The following NRXN3 variants were observed in gnomAD, a reference collection of about 807,000 sequenced individuals.
NRXN3 encodes the protein neurexin 3.
NRXN3 carries 32 observed loss-of-function variants against 137.6 expected under a neutral mutation model. That is an observed-to-expected ratio of 0.23 (90% CI 0.18 to 0.31). NRXN3 has a LOEUF of 0.31. Among genes scored for constraint, NRXN3 ranks in the 10% least tolerant of loss-of-function variants. NRXN3 has a pLI of 1.00. For synonymous variants in NRXN3, 798 were observed against 784.5 expected, an observed-to-expected ratio of 1.02 and a Z score of -0.29; for missense variants, 1,574 against 2,062.5, an observed-to-expected ratio of 0.76 and a Z score of 4.59.
chr14:79,416,681 C>T (rs2095501682), intron 15 of NRXN3, among the ~76,000 whole-genome samples: 7 of 152,146 alleles, frequency 4.6e-5, no homozygotes, highest in Admixed American at 4.6e-4. Flanking sequence ...ATCCACACAG[C>T]TTAGACTGTC....
chr14:78,622,439 G>A (rs1461809611), intron 4 of NRXN3, among the ~76,000 whole-genome samples: 1 of 152,040 alleles, frequency 6.6e-6, no homozygotes, highest in East Asian at 1.9e-4. Flanking sequence ...GTTTTGTTTT[G>A]TGATACTACA....
At chr14:79,332,983 A>T (rs919557757) in intron 15 of NRXN3, among the ~76,000 whole-genome samples, 1 of 151,952 alleles carries the variant, frequency 6.6e-6, no homozygotes. Context: ...ATCCTTACCA[A>T]CCATCTTTCT....
At chr14:79,726,815 T>C (rs2098892743) in intron 19 of NRXN3, among the ~76,000 whole-genome samples, 1 of 152,192 alleles carries the variant, frequency 6.6e-6, no homozygotes, top group Admixed American at 6.5e-5. Context: ...TCTCTGAAGA[T>C]TCAGGTTCAT....
intron 4 of NRXN3, among the ~76,000 whole-genome samples, chr14:78,575,310 C>T (rs1004176836): frequency 1.3e-5 from 2 of 152,092 alleles, no homozygotes; most frequent in Admixed American, 1.3e-4. Flanking sequence ...ATAATAAACA[C>T]ATGGAGGGGA....
intron 6 of NRXN3, among the ~76,000 whole-genome samples, chr14:78,658,644 A>G (rs1297381769): frequency 6.6e-6 from 1 of 152,194 alleles, no homozygotes; most frequent in Non-Finnish European, 1.5e-5. Context: ...TGATCTGTAA[A>G]ATGAGGATAG....
intron 16 of NRXN3, among the ~76,000 whole-genome samples, chr14:79,598,151 C>G (rs1237686580): frequency 6.6e-6 from 1 of 152,088 alleles, no homozygotes; most frequent in African/African-American, 2.4e-5. Context: ...GAAATAGGTG[C>G]TTTGAATAGA....
intron 16 of NRXN3, among the ~76,000 whole-genome samples, chr14:79,595,420 A>G (rs2097850161): frequency 6.6e-6 from 1 of 152,326 alleles, no homozygotes; most frequent in Admixed American, 6.5e-5. Context: ...CTTTTTGTCT[A>G]GAACTCTGCT....
chr14:78,595,197 A>G (rs978572449), intron 4 of NRXN3, among the ~76,000 whole-genome samples: 1 of 152,238 alleles, frequency 6.6e-6, no homozygotes, highest in South Asian at 2.1e-4. Context: ...TAGCTGAGAC[A>G]TCAGTGAAGC....
intron 17 of NRXN3, among the ~76,000 whole-genome samples, chr14:79,684,385 T>C (rs2098686313): frequency 6.6e-6 from 1 of 152,198 alleles, no homozygotes; most frequent in African/African-American, 2.4e-5. Flanking sequence ...ATCAGTATAC[T>C]AGTCAGGCCT....
At chr14:79,452,923 A>G (rs1248301860) in intron 15 of NRXN3, among the ~76,000 whole-genome samples, 1 of 152,232 alleles carries the variant, frequency 6.6e-6, no homozygotes, top group Non-Finnish European at 1.5e-5. Flanking sequence ...TTACTAATAT[A>G]TTACATAATA....
At chr14:79,298,520 AT>A (rs1221291681) in intron 15 of NRXN3, among the ~76,000 whole-genome samples, 2 of 151,978 alleles carry the variant, frequency 1.3e-5, no homozygotes, top group Admixed American at 6.6e-5. Flanking sequence ...AGGTCTTAAC[AT>A]TTTTTCTCAC....
At position 79,845,692 on chromosome 14, in the gene NRXN3, G is replaced by A. The variant is rs539860805; in HGVS notation, c.4094-15650G>A. On this transcript the variant is annotated intron_variant, in intron 20 of 20. Coordinates refer to ENST00000335750, the MANE Select transcript of NRXN3 (RefSeq NM_001330195.2). ...AGACGGAGACGGGGAGAGAGACGGAGACGGGGAGAGAGACGGAGACGGGGA... is the reference window on the plus strand; with the variant it reads ...AGACGGAGACGGGGAGAGAGACGGAAACGGGGAGAGAGACGGAGACGGGGA... Among the ~76,000 whole-genome samples, 15 of 132,492 alleles carry A rather than the reference G, an allele frequency of 1.1e-4. No homozygotes were observed. The South Asian group carries it at 2.1e-3, about 19-fold the overall frequency. The allele number at this position is 132,492 out of a possible 152,430, so 86.9% of individuals were successfully genotyped here.
At chr14:78,195,199 G>A (rs554958637) in intron 1 of NRXN3, among the ~76,000 whole-genome samples, 56 of 152,230 alleles carry the variant, frequency 3.7e-4, no homozygotes, top group Middle Eastern at 6.8e-3. Flanking sequence ...AAATTAACCC[G>A]AAGAGGCCAG....
intron 1 of NRXN3, among the ~76,000 whole-genome samples, chr14:78,233,042 T>C (rs1304989822): frequency 6.6e-6 from 1 of 152,216 alleles, no homozygotes; most frequent in African/African-American, 2.4e-5. Context: ...GTGCAACAAC[T>C]AGGCTACCTT....
chr14:79,087,656 A>G (rs903693765), intron 15 of NRXN3, among the ~76,000 whole-genome samples: 4 of 152,154 alleles, frequency 2.6e-5, no homozygotes, highest in East Asian at 1.9e-4. Flanking sequence ...CAGAAAATAT[A>G]TAACTCTCCA....
At chr14:78,212,631 C>G (rs2062857422) in intron 1 of NRXN3, among the ~76,000 whole-genome samples, 1 of 152,184 alleles carries the variant, frequency 6.6e-6, no homozygotes, top group Admixed American at 6.5e-5. Flanking sequence ...GATTTTCATA[C>G]TTGTCTGGAT....
intron 8 of NRXN3, among the ~76,000 whole-genome samples, chr14:78,791,671 C>T (rs1002790243): frequency 2.6e-5 from 4 of 151,938 alleles, no homozygotes; most frequent in African/African-American, 9.7e-5. Context: ...GAAAAGTCAC[C>T]AGGAGCACAT....
chr14:78,500,284 G>T (rs1217487095), intron 4 of NRXN3, among the ~76,000 whole-genome samples: 1 of 152,110 alleles, frequency 6.6e-6, no homozygotes, highest in Admixed American at 6.6e-5. Context: ...ATAGAAACCT[G>T]TCCTTCCATG....
At chr14:79,257,544 G>GTGGTGGTAATGGTGGTGGTGA (rs2076910821) in intron 15 of NRXN3, among the ~76,000 whole-genome samples, 1 of 83,454 alleles carries the variant, frequency 1.2e-5, no homozygotes. Context: ...GATGGTGGTG[G>GTGGTGGTAATGGTGGTGGTGA]TGGTGGTGGT....
Sources: allele counts gnomAD v4.1 joint callset (sites outside exome capture counted in the v4.1 genomes callset), GRCh38; gene constraint gnomAD v4.1.1; transcripts MANE v1.5; gene names NCBI Gene and HGNC (gene_info 2026-07-23, HGNC 2026-07-21).